The following ZNF677 variants were observed in gnomAD, a reference collection of about 807,000 sequenced individuals.
ZNF677 encodes the protein zinc finger protein 677.
ZNF677 carries 5 observed loss-of-function variants against 8.1 expected under a neutral mutation model. That is an observed-to-expected ratio of 0.62 (90% CI 0.32 to 1.29). ZNF677 has a LOEUF of 1.29. Among genes scored for constraint, ZNF677 ranks in the 50% most tolerant of loss-of-function variants. The probability of loss-of-function intolerance (pLI) is 0.05; values close to 1 mark genes in which losing one functional copy is unlikely to be tolerated. For missense variants in ZNF677, 685 were observed against 685.9 expected (o/e 1.00, Z 0.01); for synonymous variants, 221 against 225.6 (o/e 0.98, Z 0.18).
At chr19:53,241,776 G>C in intron 4 of ZNF677, 1 of 398,454 alleles carries the variant, frequency 2.5e-6, no homozygotes, top group Non-Finnish European at 4.4e-6. Context: ...GAATGATACT[G>C]TGACAGATTA....
intron 4 of ZNF677, chr19:53,239,706 TAACTTTTCAAA>T (rs377143762): frequency 6.5e-4 from 99 of 152,272 alleles, no homozygotes; most frequent in African/African-American, 2.3e-3. Context: ...TTCATAAAGG[TAACTTTTCAAA>T]GCATACTAAA....
intron 4 of ZNF677, chr19:53,240,115 T>C (rs1191375123): frequency 6.6e-6 from 1 of 152,278 alleles, no homozygotes; most frequent in Non-Finnish European, 1.5e-5. Context: ...CAGATCATGT[T>C]GCTGTCCTGA....
At chr19:53,251,664 A>G in intron 2 of ZNF677, 59 bp from the exon 3 acceptor site, 1 of 1,130,864 alleles carries the variant, frequency 8.8e-7, no homozygotes, top group South Asian at 1.4e-5. Flanking sequence ...TGCCTCTACC[A>G]CACACACACA....
In ZNF677 at chr19:53,254,832, A is replaced by C. The variant is rs1402424169; in HGVS notation, c.-127+2T>G. 2 of 152,630 alleles carry C rather than the reference A, an allele frequency of 1.3e-5. No individual in the cohort carries two copies. Among genetic ancestry groups the C allele is most frequent in the African/African-American group, 4.8e-5 (2 of 41,440 alleles). 9.5% of individuals were successfully genotyped at this position (152,630 alleles called of 1,614,324 possible). A position where few individuals can be genotyped will look rare whatever the true frequency, so the allele number is the denominator to read the frequency against. On this transcript the variant is annotated splice_donor_variant, in intron 1 of 4. Coordinates refer to ENST00000598513, the MANE Select transcript of ZNF677 (RefSeq NM_182609.4). LOFTEE classifies it low-confidence loss of function (5UTR_SPLICE). The stretch of plus-strand genomic sequence containing the variant: ...GCTTGAACCCGAAAGACGGAGACTC[A>C]CCCGAGAGCGCCAGTAGCCCCGCGA...
At chr19:53,246,824 T>C (rs960625899) in intron 3 of ZNF677, among the ~76,000 whole-genome samples, 3 of 152,150 alleles carry the variant, frequency 2.0e-5, no homozygotes. Flanking sequence ...GTTAATCCTG[T>C]ATTGTATACT....
At chr19:53,247,505 C>T (rs1460960614) in intron 3 of ZNF677, among the ~76,000 whole-genome samples, 1 of 152,136 alleles carries the variant, frequency 6.6e-6, no homozygotes, top group Non-Finnish European at 1.5e-5. Context: ...GTTAGATAAT[C>T]TTGGTTTAAA....
At chr19:53,245,545 C>T (rs533084599) in intron 3 of ZNF677, among the ~76,000 whole-genome samples, 2 of 152,106 alleles carry the variant, frequency 1.3e-5, no homozygotes, top group South Asian at 4.2e-4. Flanking sequence ...TATCACTAAT[C>T]ACCAGGAAAA....
chr19:53,253,678 C>T (rs1158111562), intron 1 of ZNF677, among the ~76,000 whole-genome samples: 1 of 151,776 alleles, frequency 6.6e-6, no homozygotes, highest in Non-Finnish European at 1.5e-5. Context: ...CAGAGTGAGA[C>T]TCCGTCTCAA....
chr19:53,253,049 G>A (rs918823598), intron 2 of ZNF677, 37 bp downstream of exon 2: 9 of 152,176 alleles, frequency 5.9e-5, no homozygotes, highest in African/African-American at 1.9e-4. Context: ...AAGATAATGT[G>A]ATTAAGAAAA....
intron 3 of ZNF677, among the ~76,000 whole-genome samples, chr19:53,247,219 A>G (rs2091158319): frequency 1.3e-5 from 2 of 152,154 alleles, no homozygotes; most frequent in African/African-American, 4.8e-5. Flanking sequence ...GCACTAGACA[A>G]GAGTGCAGAT....
At chr19:53,241,550 A>G in intron 4 of ZNF677, 1 of 326,526 alleles carries the variant, frequency 3.1e-6, no homozygotes, top group Non-Finnish European at 5.5e-6. Flanking sequence ...TGCTCTTCCC[A>G]GGAGAAACTC....
intron 4 of ZNF677, chr19:53,243,478 C>A: frequency 4.0e-6 from 2 of 499,498 alleles, no homozygotes; most frequent in Non-Finnish European, 7.0e-6. Context: ...GGGATAAAAC[C>A]ATGATACCAG....
At chr19:53,242,118 G>A (rs1298321474) in intron 4 of ZNF677, 1 of 395,456 alleles carries the variant, frequency 2.5e-6, no homozygotes, top group Non-Finnish European at 4.5e-6. Context: ...TTTTAGTAGA[G>A]ACGGGGTTTT....
chr19:53,245,292 C>T (rs990289830), intron 3 of ZNF677, among the ~76,000 whole-genome samples: 1 of 152,038 alleles, frequency 6.6e-6, no homozygotes. Flanking sequence ...CTACATCAAA[C>T]CAAAACACTT....
At chr19:53,241,047 CAG>C (rs2091041998) in intron 4 of ZNF677, 1 of 151,774 alleles carries the variant, frequency 6.6e-6, no homozygotes, top group Non-Finnish European at 1.5e-5. Context: ...TTACAGGAAA[CAG>C]AAGTAAAAGG....
At position 53,238,701 on chromosome 19, in the gene ZNF677, A is replaced by C. The variant is rs183267829; in HGVS notation, c.170-144T>G. On this transcript the variant is annotated intron_variant, in intron 4 of 4. Transcript: ENST00000598513. ...CTCAACTGTCTTTAAACGTTTAACAACACAAAGGGACTAGCTGTCCTCAAT... is the reference window on the plus strand; with the variant it reads ...CTCAACTGTCTTTAAACGTTTAACACCACAAAGGGACTAGCTGTCCTCAAT... 214 of 657,062 alleles carry C rather than the reference A, an allele frequency of 3.3e-4. No homozygotes were observed. In the East Asian group the frequency reaches 5.1e-3, roughly 16 times the overall value. The allele number at this position is 657,062 out of a possible 1,614,324, so 40.7% of individuals were successfully genotyped here. A position where few individuals can be genotyped will look rare whatever the true frequency, so the allele number is the denominator to read the frequency against.
At chr19:53,247,369 A>T (rs1231242622) in intron 3 of ZNF677, among the ~76,000 whole-genome samples, 1 of 149,546 alleles carries the variant, frequency 6.7e-6, no homozygotes, top group African/African-American at 2.5e-5. Context: ...CACTAACACT[A>T]ATGACAGCTG....
intron 4 of ZNF677, chr19:53,242,092 C>A (rs1030249447): frequency 5.1e-6 from 2 of 394,500 alleles, no homozygotes; most frequent in Admixed American, 4.4e-5. Flanking sequence ...CCAACACACC[C>A]GGCTAATTTT....
chr19:53,246,386 T>A (rs1372251474), intron 3 of ZNF677, among the ~76,000 whole-genome samples: 1 of 151,040 alleles, frequency 6.6e-6, no homozygotes, highest in Non-Finnish European at 1.5e-5. Context: ...AAAATCAGGA[T>A]CTTGAAGAGA....
Sources: gnomAD v4.1 joint callset for allele counts (sites outside exome capture counted in the v4.1 genomes callset) on GRCh38, gnomAD v4.1.1 for gene constraint, MANE v1.5 for transcripts, NCBI Gene and HGNC (gene_info 2026-07-23, HGNC 2026-07-21) for gene names.